The following CNTN5 variants were observed in gnomAD, a reference collection of about 807,000 sequenced individuals.
CNTN5 encodes contactin 5.
Under a neutral mutation model 129.1 loss-of-function variants are expected in CNTN5, and 77 were observed. The observed-to-expected ratio is 0.60, with a 90% CI of 0.50 to 0.72. The LOEUF (loss-of-function observed/expected upper bound fraction) is 0.72, where lower values mean the gene tolerates loss of function less well. Ranked by LOEUF, CNTN5 falls within the 30% of genes least tolerant of loss-of-function variation. The pLI is 0.00. For missense variants in CNTN5, 1,478 were observed against 1,328.8 expected, an observed-to-expected ratio of 1.11 and a Z score of -1.75; for synonymous variants, 509 against 465.6, an observed-to-expected ratio of 1.09 and a Z score of -1.20.
intron 3 of CNTN5, among the ~76,000 whole-genome samples, chr11:99,780,840 A>C (rs1483969030): frequency 6.6e-6 from 1 of 152,086 alleles, no homozygotes; most frequent in East Asian, 1.9e-4. Flanking sequence ...TGCAACTTCA[A>C]GGAAAATGTG....
intron 3 of CNTN5, among the ~76,000 whole-genome samples, chr11:99,812,683 G>A (rs1946465080): frequency 6.6e-6 from 1 of 152,076 alleles, no homozygotes; most frequent in South Asian, 2.1e-4. Flanking sequence ...CATGCCATCT[G>A]ACTTTGGAAC....
At chr11:100,207,930 T>A (rs1453270914) in intron 15 of CNTN5, among the ~76,000 whole-genome samples, 2 of 152,206 alleles carry the variant, frequency 1.3e-5, no homozygotes, top group African/African-American at 4.8e-5. Flanking sequence ...AAGTTCATTT[T>A]TGTTGCTAAC....
At chr11:99,518,606 C>T (rs1162538560) in intron 2 of CNTN5, among the ~76,000 whole-genome samples, 7 of 152,004 alleles carry the variant, frequency 4.6e-5, no homozygotes, top group Non-Finnish European at 7.4e-5. Flanking sequence ...TTCTCCAGGG[C>T]AATATGGCAG....
At chr11:99,863,920 GT>G (rs1461282947) in intron 6 of CNTN5, among the ~76,000 whole-genome samples, 1 of 152,126 alleles carries the variant, frequency 6.6e-6, no homozygotes, top group Non-Finnish European at 1.5e-5. Context: ...GGGTATGAAG[GT>G]ACACAGAGTG....
chr11:99,251,318 C>G (rs1198610720), intron 1 of CNTN5, among the ~76,000 whole-genome samples: 1 of 151,876 alleles, frequency 6.6e-6, no homozygotes, highest in Non-Finnish European at 1.5e-5. Context: ...AGAAAATGAT[C>G]TAACATAAGA....
At chr11:99,621,128 T>G (rs1296537204) in intron 3 of CNTN5, among the ~76,000 whole-genome samples, 1 of 151,776 alleles carries the variant, frequency 6.6e-6, no homozygotes, top group South Asian at 2.1e-4. Context: ...CTGATAGGAG[T>G]AGGCACAGGA....
chr11:99,768,351 A>C (rs1944827716), intron 3 of CNTN5, among the ~76,000 whole-genome samples: 1 of 152,096 alleles, frequency 6.6e-6, no homozygotes, highest in Admixed American at 6.6e-5. Context: ...ATCTCCTAAG[A>C]AGAACATCGT....
chr11:99,382,845 C>CTGTTTTTTTTTTTT (rs1940666616), intron 2 of CNTN5, among the ~76,000 whole-genome samples: 1 of 77,032 alleles, frequency 1.3e-5, no homozygotes, highest in Non-Finnish European at 2.1e-5. Context: ...CTCTAAATAA[C>CTGTTTTTTTTTTTT]TTTTTTTTTT....
chr11:99,964,441 T>C (rs1245935812), intron 8 of CNTN5, among the ~76,000 whole-genome samples: 5 of 152,218 alleles, frequency 3.3e-5, no homozygotes, highest in African/African-American at 1.2e-4. Flanking sequence ...GTTGGTTCTG[T>C]TTATATGCTG....
intron 2 of CNTN5, among the ~76,000 whole-genome samples, chr11:99,554,974 A>T (rs994584191): frequency 6.6e-6 from 1 of 152,058 alleles, no homozygotes; most frequent in Non-Finnish European, 1.5e-5. Context: ...TAAATAAATT[A>T]ACCATTATTG....
At chr11:99,112,802 A>G (rs1434335828) in intron 1 of CNTN5, among the ~76,000 whole-genome samples, 1 of 152,048 alleles carries the variant, frequency 6.6e-6, no homozygotes, top group Non-Finnish European at 1.5e-5. Context: ...GCAGATGGTA[A>G]TCACTGAAAT....
Position 100,299,259 on chromosome 11 carries a change from C to T in CNTN5, c.2483C>T (p.Ser828Phe). Residue 828 changes from serine to phenylalanine, a missense_variant, in exon 20 of 25, where the codon TCC becomes TTC. By Grantham distance (155) the Ser-to-Phe change is radical. Coordinates refer to ENST00000524871, the MANE Select transcript of CNTN5 (RefSeq NM_014361.4). ...GGCTGGAAGGAAAAAATGGTGACAT[C>T]CTCTGAAGCTTCCAAATTCATTTAT... ...TRGWKEKMVTSSEASKFIYRD... is the reference protein window; with the variant it reads ...TRGWKEKMVTFSEASKFIYRD... The T allele has an allele frequency of 6.2e-7, 1 of 1,610,514 alleles. No individual in the cohort carries two copies. The highest frequency in any genetic ancestry group is 8.5e-7 in the Non-Finnish European group (1 of 1,177,690).
intron 1 of CNTN5, among the ~76,000 whole-genome samples, chr11:99,152,278 TA>T (rs1860101892): frequency 6.6e-6 from 1 of 152,208 alleles, no homozygotes; most frequent in African/African-American, 2.4e-5. Flanking sequence ...TAAGAACTTT[TA>T]AAAAATATTC....
At chr11:100,037,444 C>G (rs1246135030) in intron 9 of CNTN5, among the ~76,000 whole-genome samples, 2 of 151,780 alleles carry the variant, frequency 1.3e-5, no homozygotes. Context: ...TTGGTTGTGT[C>G]TCTGCCCGGG....
intron 3 of CNTN5, among the ~76,000 whole-genome samples, chr11:99,735,840 C>T (rs985938206): frequency 6.6e-6 from 1 of 152,086 alleles, no homozygotes; most frequent in African/African-American, 2.4e-5. Context: ...GTATACAATA[C>T]GGTATTGTTA....
At chr11:99,325,919 C>T (rs1330018134) in intron 2 of CNTN5, among the ~76,000 whole-genome samples, 2 of 152,110 alleles carry the variant, frequency 1.3e-5, no homozygotes, top group African/African-American at 4.8e-5. Context: ...TAAGACAATG[C>T]TTAAAGTTAA....
intron 2 of CNTN5, among the ~76,000 whole-genome samples, chr11:99,503,389 G>T (rs778168305): frequency 6.6e-6 from 1 of 152,182 alleles, no homozygotes; most frequent in Non-Finnish European, 1.5e-5. Flanking sequence ...CTGGGTAAAA[G>T]GGGATCATAT....
chr11:99,082,898 T>C (rs1209619985), intron 1 of CNTN5, among the ~76,000 whole-genome samples: 3 of 152,138 alleles, frequency 2.0e-5, no homozygotes, highest in African/African-American at 7.2e-5. Flanking sequence ...TAAAGTACAT[T>C]TAAATAGCAT....
intron 1 of CNTN5, among the ~76,000 whole-genome samples, chr11:99,257,224 A>G (rs1451000043): frequency 2.0e-5 from 3 of 152,144 alleles, no homozygotes; most frequent in African/African-American, 7.2e-5. Flanking sequence ...CATCTTCACA[A>G]ATATTTACTC....
Sources: allele counts gnomAD v4.1 joint callset (sites outside exome capture counted in the v4.1 genomes callset), GRCh38; gene constraint gnomAD v4.1.1; transcripts MANE v1.5; gene names NCBI Gene and HGNC (gene_info 2026-07-23, HGNC 2026-07-21).